HDAC9: variants seen among roughly 807,000 people sequenced by gnomAD.
HDAC9 encodes the protein MEF-2 interacting transcription repressor (MITR) protein.
Under a neutral mutation model 139.4 loss-of-function variants are expected in HDAC9, and 41 were observed. That is an observed-to-expected ratio of 0.29 (90% confidence interval 0.23 to 0.38). HDAC9 has a LOEUF of 0.38. Among genes scored for constraint, HDAC9 ranks in the 10% least tolerant of loss-of-function variants. The probability of loss-of-function intolerance (pLI) is 1.00; values close to 1 mark genes in which losing one functional copy is unlikely to be tolerated. For missense variants in HDAC9, 1,147 were observed against 1,297.0 expected (o/e 0.88, Z 1.78); for synonymous variants, 517 against 476.2 (o/e 1.09, Z -1.12).
At chr7:18,195,932 T>A (rs1263960178) in intron 2 of HDAC9, among the ~76,000 whole-genome samples, 1 of 152,174 alleles carries the variant, frequency 6.6e-6, no homozygotes, top group African/African-American at 2.4e-5. Context: ...TTTTTCTGTC[T>A]TCCTCCTGTT....
intron 1 of HDAC9, among the ~76,000 whole-genome samples, chr7:18,108,610 CCTTT>C (rs1266364259): frequency 8.1e-6 from 1 of 122,810 alleles, no homozygotes; most frequent in African/African-American, 2.8e-5. Context: ...ACACTCATCT[CCTTT>C]TTTTTTTTTT....
At chr7:18,888,378 G>T (rs1429126124) in intron 22 of HDAC9, among the ~76,000 whole-genome samples, 2 of 152,120 alleles carry the variant, frequency 1.3e-5, no homozygotes, top group African/African-American at 4.8e-5. Flanking sequence ...TGAGCCGAGA[G>T]CGTGTCACTG....
intron 6 of HDAC9, among the ~76,000 whole-genome samples, chr7:18,620,725 C>A (rs1270888144): frequency 6.6e-6 from 1 of 152,068 alleles, no homozygotes; most frequent in African/African-American, 2.4e-5. Context: ...AAAATGCCCA[C>A]CTTTCCCCTT....
intron 6 of HDAC9, among the ~76,000 whole-genome samples, chr7:18,602,473 C>CT (rs36120359): frequency 0.42 from 63,300 of 150,142 alleles, 15,495 homozygotes; most frequent in South Asian, 0.57. Flanking sequence ...TTAATTTTTA[C>CT]TTTTTTTTTC....
intron 2 of HDAC9, among the ~76,000 whole-genome samples, chr7:18,580,180 A>T (rs557214169): frequency 2.6e-5 from 4 of 152,230 alleles, no homozygotes; most frequent in Non-Finnish European, 5.9e-5. Context: ...GTTCATGTTC[A>T]TGCTCAAATA....
chr7:18,106,152 C>G lies in HDAC9; in HGVS notation c.-97+18939C>G, dbSNP rs1156427213. 5.3e-5 allele frequency among the ~76,000 whole-genome samples: 8 copies of G among 152,042 alleles called. No individual in the cohort carries two copies. In the South Asian group the frequency reaches 1.0e-3, roughly 20 times the overall value. ...TTAGATGGGGCTGATGGCTGTATAC[C>G]TCTGTGAATATAATAAAAATCACTG... On this transcript the variant is annotated intron_variant, in intron 1 of 12. Coordinates refer to the HDAC9 transcript ENST00000417496.
intron 2 of HDAC9, among the ~76,000 whole-genome samples, chr7:18,219,384 A>T (rs1413542040): frequency 6.6e-6 from 1 of 152,192 alleles, no homozygotes; most frequent in African/African-American, 2.4e-5. Flanking sequence ...TAACTTAAGC[A>T]CTTTCAAAAT....
intron 1 of HDAC9, among the ~76,000 whole-genome samples, chr7:18,375,765 G>T (rs1784950962): frequency 6.6e-6 from 1 of 152,162 alleles, no homozygotes; most frequent in African/African-American, 2.4e-5. Flanking sequence ...AGTTCATCCA[G>T]GACTGAATCC....
chr7:18,217,725 T>C (rs1792415503), intron 2 of HDAC9, among the ~76,000 whole-genome samples: 1 of 152,226 alleles, frequency 6.6e-6, no homozygotes, highest in African/African-American at 2.4e-5. Context: ...CAGTTTATTC[T>C]CTGATTTTAA....
At chr7:18,122,778 C>A (rs115912085) in intron 1 of HDAC9, among the ~76,000 whole-genome samples, 3,168 of 152,046 alleles carry the variant, frequency 0.021, 112 homozygotes, top group African/African-American at 0.073. Context: ...GCCACCATAC[C>A]GAGCTAATTT....
chr7:18,622,516 T>G (rs753849118), intron 6 of HDAC9, among the ~76,000 whole-genome samples: 11 of 151,498 alleles, frequency 7.3e-5, no homozygotes, highest in Non-Finnish European at 1.6e-4. Flanking sequence ...TAGAGATGGG[T>G]TTTCACCATG....
intron 23 of HDAC9, among the ~76,000 whole-genome samples, chr7:18,938,311 G>T (rs1451039755): frequency 6.7e-6 from 1 of 149,298 alleles, no homozygotes; most frequent in Non-Finnish European, 1.5e-5. Flanking sequence ...AAAGTATCTC[G>T]CTGGCCGGGC....
intron 12 of HDAC9, among the ~76,000 whole-genome samples, chr7:18,696,362 T>C (rs1421893488): frequency 1.3e-5 from 2 of 148,474 alleles, no homozygotes; most frequent in Admixed American, 1.3e-4. Context: ...GTTATATATG[T>C]TATAATTATA....
chr7:18,435,695 A>T (rs1791130446), intron 1 of HDAC9, among the ~76,000 whole-genome samples: 1 of 151,314 alleles, frequency 6.6e-6, no homozygotes, highest in South Asian at 2.1e-4. Context: ...GAATCAACTT[A>T]TTGTGAAATA....
intron 6 of HDAC9, among the ~76,000 whole-genome samples, chr7:18,619,604 G>A (rs1198623960): frequency 6.6e-6 from 1 of 152,122 alleles, no homozygotes; most frequent in Non-Finnish European, 1.5e-5. Flanking sequence ...GTCTATGGGG[G>A]CTTATTTTTA....
intron 2 of HDAC9, among the ~76,000 whole-genome samples, chr7:18,506,248 T>A (rs1419391631): frequency 1.3e-5 from 2 of 152,126 alleles, no homozygotes; most frequent in African/African-American, 4.8e-5. Context: ...AAGGGAGAGC[T>A]CTGGTAATGA....
At chr7:18,333,955 G>C (rs1043367372) in intron 1 of HDAC9, among the ~76,000 whole-genome samples, 1 of 151,144 alleles carries the variant, frequency 6.6e-6, no homozygotes, top group Non-Finnish European at 1.5e-5. Context: ...GAAATTATAA[G>C]CTAACACACT....
chr7:18,096,581 A>G (rs924485617), intron 1 of HDAC9, among the ~76,000 whole-genome samples: 1 of 152,154 alleles, frequency 6.6e-6, no homozygotes, highest in Non-Finnish European at 1.5e-5. Context: ...GCCACTTAAA[A>G]CATTTTACAT....
chr7:18,134,056 A>G (rs555319673), intron 1 of HDAC9, among the ~76,000 whole-genome samples: 2 of 151,448 alleles, frequency 1.3e-5, no homozygotes, highest in Non-Finnish European at 1.5e-5. Flanking sequence ...TTTGATTATA[A>G]TGTTCACCCT....
Sources: gnomAD v4.1 joint callset for allele counts (sites outside exome capture counted in the v4.1 genomes callset) on GRCh38, gnomAD v4.1.1 for gene constraint, MANE v1.5 for transcripts, NCBI Gene and HGNC (gene_info 2026-07-23, HGNC 2026-07-21) for gene names.